Variants in CDH12 observed in about 807,000 individuals in gnomAD.
CDH12 encodes the protein cadherin-12.
A neutral mutation model predicts 74.1 loss-of-function variants in CDH12; 41 were observed. The observed-to-expected ratio is 0.55, with a 90% CI of 0.43 to 0.72. CDH12 has a LOEUF of 0.72. Ranked by LOEUF, CDH12 falls within the 30% of genes least tolerant of loss-of-function variation. The pLI is 0.00. For missense variants in CDH12, 945 were observed against 977.2 expected (o/e 0.97, Z 0.44); for synonymous variants, 399 against 355.0 (o/e 1.12, Z -1.39).
At chr5:21,965,129 TAAC>T (rs1179817565) in intron 6 of CDH12, among the ~76,000 whole-genome samples, 6 of 152,066 alleles carry the variant, frequency 3.9e-5, no homozygotes, top group African/African-American at 1.2e-4. Flanking sequence ...TTCATAAAGA[TAAC>T]AACTTCTTTC....
rs1365823951 is a variant in CDH12 at position 21,781,912 on chromosome 5, G to C, written c.1393+1446C>G. ...AGATATCTGTTCCCATGTATCAGCA[G>C]ACATCAAAATGTAGTTACTTTTAAT... On this transcript the variant is annotated intron_variant, in intron 11 of 14. Transcript: ENST00000382254. Among the ~76,000 whole-genome samples, 4 of 152,268 alleles carry C rather than the reference G, an allele frequency of 2.6e-5. No homozygotes were observed. In the East Asian group the frequency reaches 7.7e-4, roughly 29 times the overall value.
chr5:22,185,164 C>T (rs1198437745), intron 4 of CDH12, among the ~76,000 whole-genome samples: 1 of 150,914 alleles, frequency 6.6e-6, no homozygotes, highest in East Asian at 1.9e-4. Context: ...TGTTCATCTG[C>T]AGAAAGAAAC....
At chr5:22,758,245 TTTGTTG>T (rs993824347) in intron 1 of CDH12, among the ~76,000 whole-genome samples, 2 of 152,114 alleles carry the variant, frequency 1.3e-5, no homozygotes, top group Non-Finnish European at 2.9e-5. Context: ...ATTATAGAGT[TTTGTTG>T]TTGTTGTTGT....
In CDH12 at chr5:22,325,397, C is replaced by T. The variant is rs915903675; in HGVS notation, c.-333+79860G>A. Among the ~76,000 whole-genome samples the T allele has an allele frequency of 2.0e-5, 3 of 152,112 alleles. No homozygotes were observed. The East Asian group carries it at 5.8e-4, about 29-fold the overall frequency. On this transcript the variant is annotated intron_variant, in intron 3 of 14. Transcript: ENST00000382254. ...GAAATCTCAATGACGAAGGCTTTAC[C>T]ATGTTGATTTCAAATAATACCACAT...
intron 3 of CDH12, among the ~76,000 whole-genome samples, chr5:22,269,726 A>T (rs4279307): frequency 0.42 from 64,478 of 152,044 alleles, 14,624 homozygotes; most frequent in Admixed American, 0.53. Flanking sequence ...ACAGAATATT[A>T]TGAGAGCAAT....
chr5:21,883,523 C>T, intron 6 of CDH12: 8 of 1,612,696 alleles, frequency 5.0e-6, no homozygotes, highest in Non-Finnish European at 6.8e-6. Context: ...ATAGAAAGAA[C>T]CAACTTAAAG....
At chr5:22,463,901 C>A (rs1461297670) in intron 2 of CDH12, among the ~76,000 whole-genome samples, 2 of 152,052 alleles carry the variant, frequency 1.3e-5, no homozygotes, top group Non-Finnish European at 2.9e-5. Context: ...ATATTAGATT[C>A]TTCTTTTAGT....
rs182766474 is a variant in CDH12, at chr5:21,953,254, C to T, written c.526+21837G>A. On this transcript the variant is annotated intron_variant, in intron 6 of 14. Transcript: ENST00000382254. The stretch of plus-strand genomic sequence containing the variant: ...ACTTTAGACAATAGCATAACTCTCT[C>T]AACCAATTGTCAACTAAAGGATCCC... 2.6e-5 allele frequency among the ~76,000 whole-genome samples: 4 copies of T among 152,272 alleles called. No homozygotes were observed. In the East Asian group the frequency reaches 7.7e-4, roughly 29 times the overall value.
At chr5:22,836,287 G>A (rs192011044) in intron 1 of CDH12, among the ~76,000 whole-genome samples, 3 of 125,996 alleles carry the variant, frequency 2.4e-5, no homozygotes, top group Non-Finnish European at 3.1e-5. Context: ...GCAGTGATGC[G>A]ATCTCAGCTC....
chr5:22,756,829 A>G (rs1373826581), intron 1 of CDH12, among the ~76,000 whole-genome samples: 2 of 152,010 alleles, frequency 1.3e-5, no homozygotes, highest in Non-Finnish European at 2.9e-5. Flanking sequence ...GCGTGGTGGC[A>G]GATGCCTGTA....
At chr5:22,445,862 A>G (rs1344640588) in intron 2 of CDH12, among the ~76,000 whole-genome samples, 2 of 152,090 alleles carry the variant, frequency 1.3e-5, no homozygotes, top group African/African-American at 4.8e-5. Flanking sequence ...GCTTACCTGC[A>G]GTTCCTCTAC....
chr5:21,967,947 A>C (rs549410009), intron 6 of CDH12, among the ~76,000 whole-genome samples: 1,525 of 152,288 alleles, frequency 0.01, 30 homozygotes, highest in African/African-American at 0.035. Flanking sequence ...GGAAGCTGAT[A>C]ATTGGTGTTT....
chr5:22,796,088 T>C (rs972447571), intron 1 of CDH12, among the ~76,000 whole-genome samples: 6 of 152,224 alleles, frequency 3.9e-5, no homozygotes, highest in Non-Finnish European at 5.9e-5. Context: ...TTAAATCTAT[T>C]CACTTATTGA....
intron 3 of CDH12, among the ~76,000 whole-genome samples, chr5:22,336,123 T>C (rs1229445245): frequency 3.9e-5 from 6 of 152,174 alleles, no homozygotes; most frequent in South Asian, 2.1e-4. Flanking sequence ...TTTGCCCCTG[T>C]CCTAGAGATT....
At chr5:21,798,331 A>C (rs1746910994) in intron 10 of CDH12, among the ~76,000 whole-genome samples, 1 of 151,846 alleles carries the variant, frequency 6.6e-6, no homozygotes, top group Admixed American at 6.6e-5. Context: ...ACTTAACTGG[A>C]AGTGAATCAT....
chr5:22,453,110 G>A (rs1745118902), intron 2 of CDH12, among the ~76,000 whole-genome samples: 2 of 151,880 alleles, frequency 1.3e-5, no homozygotes, highest in Admixed American at 6.6e-5. Flanking sequence ...ATGTGAAAGG[G>A]GGAAACTTTC....
chr5:21,915,527 G>A (rs1456628305), intron 6 of CDH12, among the ~76,000 whole-genome samples: 1 of 152,194 alleles, frequency 6.6e-6, no homozygotes, highest in East Asian at 1.9e-4. Flanking sequence ...GATTGGTACT[G>A]GAGAGTGTAG....
rs1038581427 is a variant in CDH12, at chr5:22,028,454, T to C, written c.231+49992A>G. ...CAATGTACAAAAATCACAAGCATTC[T>C]TATACACCAATAACGGACAAACAGA... On this transcript the variant is annotated intron_variant, in intron 5 of 14. Coordinates refer to ENST00000382254, the MANE Select transcript of CDH12 (RefSeq NM_004061.5). Among the ~76,000 whole-genome samples the C allele has an allele frequency of 2.7e-4, 41 of 152,232 alleles. 1 individual carries two copies. The highest frequency in any genetic ancestry group is 8.9e-4 in the African/African-American group (37 of 41,540).
At chr5:22,649,032 A>T (rs1049212329) in intron 1 of CDH12, among the ~76,000 whole-genome samples, 1 of 152,022 alleles carries the variant, frequency 6.6e-6, no homozygotes, top group Non-Finnish European at 1.5e-5. Context: ...AAATGTACTG[A>T]ATTACAAAGT....
Sources: allele counts gnomAD v4.1 joint callset (sites outside exome capture counted in the v4.1 genomes callset), GRCh38; gene constraint gnomAD v4.1.1; transcripts MANE v1.5; gene names NCBI Gene and HGNC (gene_info 2026-07-23, HGNC 2026-07-21).